SEMA6D: variants seen among roughly 807,000 people sequenced by gnomAD.
SEMA6D encodes semaphorin 6D.
SEMA6D carries 35 observed loss-of-function variants against 106.6 expected under a neutral mutation model. The observed-to-expected ratio is 0.33, with a 90% CI of 0.25 to 0.44. The LOEUF is 0.44. SEMA6D is among the 20% of genes least tolerant of loss of function. The pLI is 1.00. For synonymous variants in SEMA6D, 499 were observed against 487.7 expected, an observed-to-expected ratio of 1.02 and a Z score of -0.31; for missense variants, 1,185 against 1,345.9, an observed-to-expected ratio of 0.88 and a Z score of 1.87.
intron 1 of SEMA6D, among the ~76,000 whole-genome samples, chr15:47,311,244 G>A (rs548903871): frequency 2.7e-4 from 41 of 152,290 alleles, no homozygotes; most frequent in African/African-American, 9.1e-4. Context: ...GTTTACATAG[G>A]TAGAGTAGGA....
At chr15:47,693,398 G>A (rs757880767) in intron 4 of SEMA6D, among the ~76,000 whole-genome samples, 2 of 152,062 alleles carry the variant, frequency 1.3e-5, no homozygotes, top group Non-Finnish European at 2.9e-5. Context: ...GTGGCACTTT[G>A]TTACACCAGC....
At position 47,353,347 on chromosome 15, in the gene SEMA6D, C is replaced by T. The variant is rs1010883324; in HGVS notation, c.-238-59046C>T. Among the ~76,000 whole-genome samples, 200 of 152,122 alleles carry T rather than the reference C, an allele frequency of 1.3e-3. 2 individuals carry two copies. The highest frequency in any genetic ancestry group is 2.2e-4 in the Non-Finnish European group (15 of 67,982). On this transcript the variant is annotated intron_variant, in intron 1 of 19. Coordinates refer to the SEMA6D transcript ENST00000558014. The stretch of plus-strand genomic sequence containing the variant: ...AGCAAATTCAAGGGCTGCCTAGAGC[C>T]AATGAAATAAAAATCAAATTATTTT...
chr15:47,529,892 G>A (rs2044897089), intron 3 of SEMA6D, among the ~76,000 whole-genome samples: 1 of 152,176 alleles, frequency 6.6e-6, no homozygotes, highest in Non-Finnish European at 1.5e-5. Flanking sequence ...GCATGTTCCA[G>A]GAAGATATTT....
chr15:47,390,653 C>T (rs1487991666), intron 1 of SEMA6D, among the ~76,000 whole-genome samples: 5 of 152,272 alleles, frequency 3.3e-5, no homozygotes, highest in Middle Eastern at 3.4e-3. Flanking sequence ...TTCCATCAAG[C>T]TCTAAGTCTT....
At chr15:47,296,693 C>T (rs2035815873) in intron 1 of SEMA6D, among the ~76,000 whole-genome samples, 1 of 152,166 alleles carries the variant, frequency 6.6e-6, no homozygotes, top group Non-Finnish European at 1.5e-5. Context: ...AGATGTGAAG[C>T]TTGTAATAGA....
chr15:47,767,018 G>A lies in SEMA6D; in HGVS notation c.1709-19G>A. The A allele has an allele frequency of 6.9e-7, 1 of 1,457,368 alleles. No individual in the cohort carries two copies. Among genetic ancestry groups the A allele is most frequent in the Non-Finnish European group, 9.3e-7 (1 of 1,080,998 alleles). 90.3% of individuals were successfully genotyped at this position (1,457,368 alleles called of 1,614,324 possible). A position where few individuals can be genotyped will look rare whatever the true frequency, so the allele number is the denominator to read the frequency against. ...TTTGGTTACTTTTCACTGATTACTT[G>A]TTCCTTTAATTCTTTTAGAAATTTT... On this transcript the variant is annotated intron_variant, in intron 16 of 18. Coordinates refer to ENST00000536845, the MANE Select transcript of SEMA6D (RefSeq NM_001358351.3).
At chr15:47,740,364 C>T (rs754248508) in intron 1 of SEMA6D, among the ~76,000 whole-genome samples, 17 of 151,900 alleles carry the variant, frequency 1.1e-4, no homozygotes, top group African/African-American at 4.1e-4. Flanking sequence ...ACTAAAAATA[C>T]AAAAATTTAA....
chr15:47,535,120 CAAAAAACA>C (rs745394832), intron 3 of SEMA6D, among the ~76,000 whole-genome samples: 1,796 of 147,058 alleles, frequency 0.012, 10 homozygotes, highest in Admixed American at 0.021. Flanking sequence ...CAAAAAAACA[CAAAAAACA>C]ACAATGAGAT....
chr15:47,263,092 C>T (rs2034153056), intron 1 of SEMA6D, among the ~76,000 whole-genome samples: 1 of 152,062 alleles, frequency 6.6e-6, no homozygotes, highest in African/African-American at 2.4e-5. Context: ...ACTATAAAAA[C>T]CCTGGAAGAT....
intron 1 of SEMA6D, among the ~76,000 whole-genome samples, chr15:47,352,556 C>T (rs117249388): frequency 6.6e-6 from 1 of 152,284 alleles, no homozygotes; most frequent in Non-Finnish European, 1.5e-5. Flanking sequence ...CCATGAGGAG[C>T]TGACCTTGAA....
intron 1 of SEMA6D, among the ~76,000 whole-genome samples, chr15:47,355,871 A>G (rs1388441379): frequency 6.6e-6 from 1 of 152,186 alleles, no homozygotes; most frequent in Non-Finnish European, 1.5e-5. Context: ...TACAAAAACA[A>G]TTTCAGGGCA....
intron 2 of SEMA6D, among the ~76,000 whole-genome samples, chr15:47,423,932 C>T (rs2041250544): frequency 6.6e-6 from 1 of 152,038 alleles, no homozygotes; most frequent in African/African-American, 2.4e-5. Flanking sequence ...ACCATTGCAA[C>T]CAGGCATAAT....
At chr15:47,431,907 C>T (rs1214386573) in intron 2 of SEMA6D, among the ~76,000 whole-genome samples, 2 of 152,038 alleles carry the variant, frequency 1.3e-5, no homozygotes, top group Non-Finnish European at 2.9e-5. Context: ...TAAGTGTCTT[C>T]TGTGTATGCA....
chr15:47,381,853 G>T (rs2039651194), intron 1 of SEMA6D, among the ~76,000 whole-genome samples: 1 of 152,114 alleles, frequency 6.6e-6, no homozygotes, highest in Non-Finnish European at 1.5e-5. Context: ...GAACATATGG[G>T]CTAACTCCTC....
Position 47,375,327 on chromosome 15 carries a change from C to T in SEMA6D, c.-238-37066C>T, listed in dbSNP as rs138394432. Among the ~76,000 whole-genome samples, 252 of 152,292 alleles carry T rather than the reference C, an allele frequency of 1.7e-3. 1 individual carries two copies. The highest frequency in any genetic ancestry group is 5.9e-3 in the African/African-American group (246 of 41,560). On this transcript the variant is annotated intron_variant, in intron 1 of 19. Coordinates refer to the SEMA6D transcript ENST00000558014. ...AGTTTTTCAGCTGCCTGTTTGTCAA[C>T]TATGGAGCCTCATACTAATGTCCCC...
At chr15:47,564,217 C>A (rs117134355) in intron 3 of SEMA6D, among the ~76,000 whole-genome samples, 12 of 152,166 alleles carry the variant, frequency 7.9e-5, no homozygotes, top group Non-Finnish European at 1.6e-4. Flanking sequence ...GTCAGCCTGC[C>A]TATACAAGCT....
At chr15:47,721,490 G>T (rs1327438692) in intron 1 of SEMA6D, among the ~76,000 whole-genome samples, 1 of 152,128 alleles carries the variant, frequency 6.6e-6, no homozygotes, top group Non-Finnish European at 1.5e-5. Context: ...GAAAAAAAAA[G>T]TGTTCTGATT....
In SEMA6D at chr15:47,613,965, T is replaced by G. The variant is rs143508712; in HGVS notation, c.-55+13069T>G. On this transcript the variant is annotated intron_variant, in intron 4 of 19. Coordinates refer to the SEMA6D transcript ENST00000558014. ...CCCAGCCACTTTATTTTTAAATGAA[T>G]CTTATTCTTTCAAGGAATATTTAAA... is the stretch of plus-strand genomic sequence containing the variant. Among the ~76,000 whole-genome samples, 413 of 152,288 alleles carry G rather than the reference T, an allele frequency of 2.7e-3. 1 individual carries two copies. Among genetic ancestry groups the G allele is most frequent in the African/African-American group, 8.3e-3 (346 of 41,552 alleles).
intron 1 of SEMA6D, among the ~76,000 whole-genome samples, chr15:47,350,843 A>C (rs2038296436): frequency 6.6e-6 from 1 of 152,172 alleles, no homozygotes; most frequent in South Asian, 2.1e-4. Context: ...ATCTTAACTC[A>C]TGAGGCCAGT....
Sources: gnomAD v4.1 joint callset for allele counts (sites outside exome capture counted in the v4.1 genomes callset) on GRCh38, gnomAD v4.1.1 for gene constraint, MANE v1.5 for transcripts, NCBI Gene and HGNC (gene_info 2026-07-23, HGNC 2026-07-21) for gene names.